ZNF444: variants seen among roughly 807,000 people sequenced by gnomAD.
The protein encoded by ZNF444 is endothelial zinc finger protein 2.
ZNF444 carries 8 observed loss-of-function variants against 14.4 expected under a neutral mutation model. The observed-to-expected ratio is 0.56, with a 90% CI of 0.33 to 1.00. The LOEUF is 1.00. ZNF444 is among the 50% of genes least tolerant of loss of function. ZNF444 has a pLI of 0.03. For missense variants in ZNF444, 510 were observed against 504.8 expected, an observed-to-expected ratio of 1.01 and a Z score of -0.10; for synonymous variants, 258 against 235.9, an observed-to-expected ratio of 1.09 and a Z score of -0.86.
At chr19:56,138,792 C>CTTTTTTT (rs59273024), upstream of ZNF444, among the ~76,000 whole-genome samples, 16 of 92,868 alleles carry the variant, frequency 1.7e-4, no homozygotes, top group Admixed American at 2.9e-4. Flanking sequence ...CTTGAATGTA[C>CTTTTTTT]TTTTTTTTTT....
chr19:56,144,199 C>T lies in ZNF444; in HGVS notation c.-196-2048C>T, dbSNP rs985023870. Among the ~76,000 whole-genome samples, 3 of 152,022 alleles carry T rather than the reference C, an allele frequency of 2.0e-5. No homozygotes were observed. The highest frequency in any genetic ancestry group is 7.3e-5 in the African/African-American group (3 of 41,362). ...TGGTGCCTGCCTGTGGTCCCAGCTG[C>T]TCAGGAGGCTGAGCCAGGAGGATGG... On this transcript the variant is annotated intron_variant, in intron 1 of 4. Coordinates refer to ENST00000337080, the MANE Select transcript of ZNF444 (RefSeq NM_018337.4). The surrounding 1 kb of genome is among the most constrained non-coding windows in gnomAD (Gnocchi z 4.0).
chr19:56,152,445 C>T (rs2031641818), intron 3 of ZNF444, among the ~76,000 whole-genome samples: 1 of 148,638 alleles, frequency 6.7e-6, no homozygotes, highest in African/African-American at 2.5e-5. Context: ...TGTCTCCATT[C>T]TCCTGTTGAA....
At chr19:56,135,258 C>G (rs1408559914) in intron 1 of ZNF444, among the ~76,000 whole-genome samples, 2 of 152,058 alleles carry the variant, frequency 1.3e-5, no homozygotes, top group African/African-American at 4.8e-5. Flanking sequence ...GTCAAGATAG[C>G]CACAGCTGGG....
In ZNF444 at chr19:56,159,747, G is replaced by A. The variant is rs1156909438; in HGVS notation, c.530G>A (p.Gly177Asp). Residue 177 changes from glycine (G) to aspartate (D), a missense_variant, in exon 5 of 5, where the codon GGC becomes GAC. Physicochemically the swap from Gly to Asp is moderately conservative, Grantham distance 94. Coordinates refer to ENST00000337080, the MANE Select transcript of ZNF444 (RefSeq NM_018337.4). ...CTGCCCGCCTTCCTAGCGGCCCCGG[G>A]CACCACGTCCTGCCCCGAGTGCGGC... Reference protein sequence around the residue: ...PGLPAFLAAPGTTSCPECGKT... With the variant: ...PGLPAFLAAPDTTSCPECGKT... 5.7e-6 allele frequency: 9 copies of A among 1,587,746 alleles called. No homozygotes were observed. Among genetic ancestry groups the A allele is most frequent in the Middle Eastern group, 1.7e-4 (1 of 6,030 alleles).
At chr19:56,150,193 G>A (rs2031488817) in intron 3 of ZNF444, 1 of 210,712 alleles carries the variant, frequency 4.7e-6, no homozygotes, top group African/African-American at 2.4e-5. Flanking sequence ...TTACCACTCT[G>A]AGCTCATGCC....
At chr19:56,148,175 T>C (rs553313403) in intron 3 of ZNF444, among the ~76,000 whole-genome samples, 1 of 152,204 alleles carries the variant, frequency 6.6e-6, no homozygotes, top group Non-Finnish European at 1.5e-5. Context: ...CACTCTCCCA[T>C]GGCTGGTGGC....
Position 56,160,270 on chromosome 19 carries a change from G to A in ZNF444, c.*69G>A, listed in dbSNP as rs1350630914. On this transcript the variant is annotated 3_prime_UTR_variant, in exon 5 of 5. Coordinates refer to ENST00000337080, the MANE Select transcript of ZNF444 (RefSeq NM_018337.4). ...CGGGCGGTACCTGCTCTCTCCCAGC[G>A]CCACTTGGCCTCTTCCTCTCCTCCT... is the stretch of plus-strand genomic sequence containing the variant. 4.7e-6 allele frequency: 6 copies of A among 1,269,922 alleles called. No homozygotes were observed. The highest frequency in any genetic ancestry group is 3.8e-5 in the Admixed American group (1 of 26,544). 78.7% of individuals were successfully genotyped at this position (1,269,922 alleles called of 1,614,324 possible).
chr19:56,156,544 T>C (rs1333053840), intron 3 of ZNF444: 1 of 152,164 alleles, frequency 6.6e-6, no homozygotes, highest in Non-Finnish European at 1.5e-5. Context: ...AAATTTTTTA[T>C]GGCCAGAGGT....
intron 4 of ZNF444, 65 bp from the exon 5 acceptor site, chr19:56,159,559 C>A: frequency 7.3e-7 from 1 of 1,362,468 alleles, no homozygotes; most frequent in Non-Finnish European, 9.6e-7. Context: ...GCCTCCACCC[C>A]AGCCTGTGCT....
intron 3 of ZNF444, among the ~76,000 whole-genome samples, chr19:56,152,254 C>T (rs477807): frequency 0.062 from 9,485 of 151,784 alleles, 418 homozygotes; most frequent in Non-Finnish European, 0.093. Context: ...ATCGCTTGAA[C>T]CCAGGAGCTG....
At chr19:56,137,262 G>A (rs1005769805), upstream of ZNF444, among the ~76,000 whole-genome samples, 1 of 151,198 alleles carries the variant, frequency 6.6e-6, no homozygotes, top group Non-Finnish European at 1.5e-5. Context: ...CCTGAGGTCA[G>A]GAGTTTGAGA....
chr19:56,151,199 G>T, intron 3 of ZNF444: 1 of 218,818 alleles, frequency 4.6e-6, no homozygotes, highest in Non-Finnish European at 8.2e-6. Flanking sequence ...ATAGACAGCT[G>T]ACATCTGGGG....
At chr19:56,133,081 GC>G (rs938115895) in intron 1 of ZNF444, among the ~76,000 whole-genome samples, 3 of 151,664 alleles carry the variant, frequency 2.0e-5, no homozygotes, top group African/African-American at 7.3e-5. Flanking sequence ...GGGATTACAG[GC>G]ATGGGCCACC....
intron 1 of ZNF444, chr19:56,141,667 C>CGGGGGAGGGACAGGT (rs1413241890): frequency 9.4e-4 from 9 of 9,592 alleles, no homozygotes; most frequent in East Asian, 2.4e-3. Context: ...AGGGGCGGGA[C>CGGGGGAGGGACAGGT]GGGGGAGGGA....
At chr19:56,132,935 C>CTTTTTTTTTTTTTTTTTTTT (rs61365745) in intron 1 of ZNF444, among the ~76,000 whole-genome samples, 10 of 94,262 alleles carry the variant, frequency 1.1e-4, no homozygotes, top group East Asian at 3.3e-4. Flanking sequence ...TTCTTTCTTT[C>CTTTTTTTTTTTTTTTTTTTT]TTTTTTTTTT....
chr19:56,148,327 C>T (rs1361036103), intron 3 of ZNF444, among the ~76,000 whole-genome samples: 8 of 151,792 alleles, frequency 5.3e-5, no homozygotes, highest in Non-Finnish European at 8.8e-5. Flanking sequence ...GGGGTGTTTG[C>T]GGCCAGGCCT....
At chr19:56,158,411 C>A in intron 3 of ZNF444, 83 bp from the exon 4 acceptor site, 1 of 1,306,348 alleles carries the variant, frequency 7.7e-7, no homozygotes, top group African/African-American at 1.5e-5. Flanking sequence ...TGGGATTGCA[C>A]AGCTGGTCGA....
Position 56,152,297 on chromosome 19 carries a change from A to G in ZNF444, c.297+5089A>G, listed in dbSNP as rs1364814124. 2.1e-5 allele frequency among the ~76,000 whole-genome samples: 3 copies of G among 145,304 alleles called. No individual in the cohort carries two copies. In the Admixed American group the frequency reaches 2.2e-4, roughly 10 times the overall value. ...CAGTGAACCAGGACTGCACCACCGCACTCCAGCCTGGGCGACAGAGTGAGA... is the reference window on the plus strand; with the variant it reads ...CAGTGAACCAGGACTGCACCACCGCGCTCCAGCCTGGGCGACAGAGTGAGA... On this transcript the variant is annotated intron_variant, in intron 3 of 4. Coordinates refer to ENST00000337080, the MANE Select transcript of ZNF444 (RefSeq NM_018337.4).
At chr19:56,138,347 C>T (rs1483883099), upstream of ZNF444, among the ~76,000 whole-genome samples, 1 of 152,008 alleles carries the variant, frequency 6.6e-6, no homozygotes. Context: ...AGAAACTGGG[C>T]TGGGCATGGT....
Sources: gnomAD v4.1 joint callset for allele counts (sites outside exome capture counted in the v4.1 genomes callset) on GRCh38, gnomAD v4.1.1 for gene constraint, Gnocchi (gnomAD v3.1) non-coding constraint, MANE v1.5 for transcripts, NCBI Gene and HGNC (gene_info 2026-07-23, HGNC 2026-07-21) for gene names.